The following AP1G1 variants were observed in gnomAD, a reference collection of about 807,000 sequenced individuals.
AP1G1 encodes the protein AP-1 complex subunit gamma-1.
In AP1G1, 7 loss-of-function variants were observed where a neutral mutation model predicts 108.3. The ratio of observed to expected loss-of-function variants is 0.06; its 90% CI spans 0.04 to 0.12. The LOEUF (loss-of-function observed/expected upper bound fraction) is 0.12, where lower values mean the gene tolerates loss of function less well. Among genes scored for constraint, AP1G1 ranks in the 10% least tolerant of loss-of-function variants. The pLI, the probability that AP1G1 is intolerant of heterozygous loss-of-function variation, is 1.00. For synonymous variants in AP1G1, 379 were observed against 353.5 expected, an observed-to-expected ratio of 1.07 and a Z score of -0.81; for missense variants, 756 against 1,010.7, an observed-to-expected ratio of 0.75 and a Z score of 3.42.
At chr16:71,761,487 A>G in intron 10 of AP1G1, 25 bp downstream of exon 10, 1 of 1,478,054 alleles carries the variant, frequency 6.8e-7, no homozygotes, top group Non-Finnish European at 9.5e-7. Flanking sequence ...TATCCAAGAT[A>G]AAAGACATAT....
chr16:71,799,928 A>T (rs10459804), intron 1 of AP1G1, among the ~76,000 whole-genome samples: 49,203 of 144,988 alleles, frequency 0.34, 8,907 homozygotes, highest in East Asian at 0.75. Context: ...ATAATAATAA[A>T]AAATTATATT....
At chr16:71,776,113 G>A (rs567118845) in intron 2 of AP1G1, among the ~76,000 whole-genome samples, 1 of 152,162 alleles carries the variant, frequency 6.6e-6, no homozygotes, top group Non-Finnish European at 1.5e-5. Flanking sequence ...ATGGATACCT[G>A]TGTATACAGG....
intron 2 of AP1G1, among the ~76,000 whole-genome samples, chr16:71,783,677 G>A (rs1289721015): frequency 6.6e-6 from 1 of 152,130 alleles, no homozygotes; most frequent in Non-Finnish European, 1.5e-5. Flanking sequence ...GGTATGGCAA[G>A]CAAGGCTAGA....
At chr16:71,735,539 G>A (rs2045523041) in intron 21 of AP1G1, among the ~76,000 whole-genome samples, 1 of 151,900 alleles carries the variant, frequency 6.6e-6, no homozygotes, top group South Asian at 2.1e-4. Flanking sequence ...GCACATGCCT[G>A]TAGTCCCAGC....
rs979480835 is a variant in AP1G1 at position 71,780,012 on chromosome 16, G to A, written c.202-5420C>T. Among the ~76,000 whole-genome samples, 4 of 50,362 alleles carry A rather than the reference G, an allele frequency of 7.9e-5. No homozygotes were observed. In the East Asian group the frequency reaches 1.7e-3, roughly 21 times the overall value. The allele number at this position is 50,362 out of a possible 152,430, so 33.0% of individuals were successfully genotyped here. A position where few individuals can be genotyped will look rare whatever the true frequency, so the allele number is the denominator to read the frequency against. On this transcript the variant is annotated intron_variant, in intron 2 of 22. Coordinates refer to ENST00000299980, the MANE Select transcript of AP1G1 (RefSeq NM_001128.6). ...TTTTTTTTGTTTTTTTTTTTTTTTT[G>A]AGACGAAGTCTGGCTCTGTCACCCA... is the stretch of plus-strand genomic sequence containing the variant.
At chr16:71,768,220 G>A (rs77167747) in intron 6 of AP1G1, among the ~76,000 whole-genome samples, 71 of 149,448 alleles carry the variant, frequency 4.8e-4, no homozygotes, top group South Asian at 3.6e-3. Context: ...AAAAAAGGCC[G>A]GGCGCGGTAG....
Position 71,764,710 on chromosome 16 carries a change from A to G in AP1G1, c.755T>C (p.Leu252Ser). The G allele has an allele frequency of 1.2e-6, 2 of 1,611,380 alleles. No individual in the cohort carries two copies. The highest frequency in any genetic ancestry group is 1.7e-6 in the Non-Finnish European group (2 of 1,179,184). Residue 252 changes from leucine to serine, a missense_variant, in exon 8 of 23, where the codon TTA (leucine) becomes TCA (serine). This residue lies in a region of AP1G1 where 304 missense variants were observed against 483.6 expected (regional missense o/e 0.63). Transcript: ENST00000299980. ...DPFLQVRILR[L>S]LRILGRNDDD... Reference sequence around the variant, plus strand: ...ATCATTTCGTCCTAAAATTCTTAATAACCGCAAAATTCGTACCTAACGTGC... The same window carrying G: ...ATCATTTCGTCCTAAAATTCTTAATGACCGCAAAATTCGTACCTAACGTGC...
intron 16 of AP1G1, chr16:71,747,510 A>G (rs903129540): frequency 2.6e-5 from 4 of 151,846 alleles, no homozygotes; most frequent in African/African-American, 7.3e-5. Context: ...AACCCTGGAG[A>G]TGGAGATTGC....
At chr16:71,771,959 T>C (rs2031588210) in intron 4 of AP1G1, among the ~76,000 whole-genome samples, 1 of 152,158 alleles carries the variant, frequency 6.6e-6, no homozygotes, top group South Asian at 2.1e-4. Context: ...ACTAGCTTGT[T>C]CACTGGAAAA....
intron 1 of AP1G1, among the ~76,000 whole-genome samples, chr16:71,796,845 T>A (rs984320433): frequency 6.6e-6 from 1 of 152,038 alleles, no homozygotes; most frequent in East Asian, 1.9e-4. Flanking sequence ...AATGCAAACA[T>A]GCCTACTGAA....
At chr16:71,787,136 T>C (rs1314769991) in intron 2 of AP1G1, among the ~76,000 whole-genome samples, 3 of 151,468 alleles carry the variant, frequency 2.0e-5, no homozygotes, top group South Asian at 4.2e-4. Context: ...CTGGCCAATA[T>C]GGTAACATTC....
In AP1G1 at chr16:71,798,345, C is replaced by T. The variant is rs563549961; in HGVS notation, c.-3-8863G>A. Among the ~76,000 whole-genome samples, 29 of 152,184 alleles carry T rather than the reference C, an allele frequency of 1.9e-4. No individual in the cohort carries two copies. The South Asian group carries it at 5.4e-3, about 28-fold the overall frequency. ...TACCGAGTAGCCAGGACTATAGGCG[C>T]GTGCCACCACGCTCAGCTAATTTTT... On this transcript the variant is annotated intron_variant, in intron 1 of 22. Transcript: ENST00000299980.
intron 1 of AP1G1, among the ~76,000 whole-genome samples, chr16:71,804,836 GC>G (rs963313318): frequency 1.8e-4 from 27 of 152,140 alleles, no homozygotes; most frequent in African/African-American, 5.8e-4. Context: ...GGGCAACATG[GC>G]GAATCCCCGT....
chr16:71,802,513 T>TGA (rs1404822046), intron 1 of AP1G1, among the ~76,000 whole-genome samples: 1 of 152,164 alleles, frequency 6.6e-6, no homozygotes, highest in African/African-American at 2.4e-5. Flanking sequence ...GTGGATCACC[T>TGA]GAGGTCAGGA....
intron 13 of AP1G1, among the ~76,000 whole-genome samples, chr16:71,752,311 AG>A (rs1271087000): frequency 4.6e-5 from 7 of 152,196 alleles, no homozygotes; most frequent in African/African-American, 1.7e-4. Flanking sequence ...ACATTTTGTT[AG>A]ATTATAATTT....
At chr16:71,796,675 A>G (rs535156490) in intron 1 of AP1G1, among the ~76,000 whole-genome samples, 1 of 152,278 alleles carries the variant, frequency 6.6e-6, no homozygotes, top group Admixed American at 6.5e-5. Flanking sequence ...ACATTGAGAT[A>G]CCACCCCACC....
chr16:71,760,887 G>A (rs1029259477), intron 10 of AP1G1, among the ~76,000 whole-genome samples: 2 of 151,964 alleles, frequency 1.3e-5, no homozygotes, highest in African/African-American at 4.8e-5. Context: ...AATTTCTCCT[G>A]ATTAGAAAAA....
intron 6 of AP1G1, among the ~76,000 whole-genome samples, chr16:71,769,229 G>A (rs1453679331): frequency 1.3e-5 from 2 of 151,788 alleles, no homozygotes; most frequent in East Asian, 1.9e-4. Flanking sequence ...GTTGCAGTGA[G>A]CTGAGATCAC....
chr16:71,752,724 A>T (rs2030568543), intron 13 of AP1G1, among the ~76,000 whole-genome samples: 1 of 152,226 alleles, frequency 6.6e-6, no homozygotes, highest in African/African-American at 2.4e-5. Flanking sequence ...TGCATAGTAA[A>T]AAGATGGCAT....
Sources: gnomAD v4.1 joint callset for allele counts (sites outside exome capture counted in the v4.1 genomes callset) on GRCh38, gnomAD v4.1.1 for gene constraint, gnomAD v4.1.1 regional missense constraint, MANE v1.5 for transcripts, NCBI Gene and HGNC (gene_info 2026-07-23, HGNC 2026-07-21) for gene names.